ARMC2: variants seen among roughly 807,000 people sequenced by gnomAD.
ARMC2 encodes the protein armadillo repeat-containing protein 2.
ARMC2 carries 67 observed loss-of-function variants against 90.3 expected under a neutral mutation model. That is an observed-to-expected ratio of 0.74 (90% CI 0.61 to 0.91). The LOEUF is 0.91. Ranked by LOEUF, ARMC2 falls within the 40% of genes least tolerant of loss-of-function variation. ARMC2 has a pLI of 0.00. For missense variants in ARMC2, 920 were observed against 1,030.9 expected (o/e 0.89, Z 1.47); for synonymous variants, 393 against 393.0 (o/e 1.00, Z 0.00).
the ARMC2 span, among the ~76,000 whole-genome samples, chr6:109,021,382 C>T: frequency 6.6e-6 from 1 of 152,166 alleles, no homozygotes; most frequent in African/African-American, 2.4e-5. Context: ...TCATTGTTTT[C>T]CATACAACCC....
the ARMC2 span, among the ~76,000 whole-genome samples, chr6:109,003,107 C>T: frequency 6.6e-6 from 1 of 151,688 alleles, no homozygotes; most frequent in Non-Finnish European, 1.5e-5. Context: ...GTTTCCTTTC[C>T]CTCCCTCACC....
chr6:109,022,432 TTTTTTTTTGA>T, the ARMC2 span, among the ~76,000 whole-genome samples: 1 of 140,562 alleles, frequency 7.1e-6, no homozygotes, highest in Admixed American at 7.1e-5. Flanking sequence ...TTTTTTTTTT[TTTTTTTTTGA>T]GATGGAATCT....
At chr6:108,858,104 T>G (rs1774839343) in intron 2 of ARMC2, 95 bp from the exon 3 acceptor site, 1 of 936,934 alleles carries the variant, frequency 1.1e-6, no homozygotes, top group Admixed American at 2.4e-5. Context: ...CATTGCATCC[T>G]TTTACTTGTT....
chr6:109,014,157 G>A, the ARMC2 span, among the ~76,000 whole-genome samples: 1,368 of 152,178 alleles, frequency 9.0e-3, 7 homozygotes, highest in Middle Eastern at 0.024. Context: ...TTAGAAATAT[G>A]AGGCATCACC....
chr6:108,926,726 A>G (rs1465052391), intron 10 of ARMC2, among the ~76,000 whole-genome samples: 1 of 146,176 alleles, frequency 6.8e-6, no homozygotes. Flanking sequence ...CTCTGTCTCC[A>G]AAAAAAAAAA....
At chr6:109,040,326 C>T in the ARMC2 span, among the ~76,000 whole-genome samples, 1 of 149,700 alleles carries the variant, frequency 6.7e-6, no homozygotes, top group Non-Finnish European at 1.5e-5. Context: ...AAAAGTATTA[C>T]GACTGAGGAT....
intron 10 of ARMC2, among the ~76,000 whole-genome samples, chr6:108,917,469 G>T: frequency 6.6e-6 from 1 of 152,080 alleles, no homozygotes; most frequent in Admixed American, 6.6e-5. Flanking sequence ...ATAGGAAAGT[G>T]TATGGAACAA....
intron 17 of ARMC2, among the ~76,000 whole-genome samples, chr6:108,966,210 A>G (rs1452471456): frequency 6.6e-6 from 1 of 150,762 alleles, no homozygotes; most frequent in East Asian, 2.0e-4. Flanking sequence ...CAACCTGAGA[A>G]AGCTTAACAG....
intron 5 of ARMC2, among the ~76,000 whole-genome samples, chr6:108,881,319 C>CTTCCT (rs1777560389): frequency 1.7e-4 from 3 of 17,760 alleles, no homozygotes; most frequent in Non-Finnish European, 2.7e-4. Flanking sequence ...CCTTCCTTCA[C>CTTCCT]TCCTTCCTTC....
intron 1 of ARMC2, among the ~76,000 whole-genome samples, chr6:108,849,109 C>A (rs113308435): frequency 6.6e-6 from 1 of 152,086 alleles, no homozygotes; most frequent in Non-Finnish European, 1.5e-5. Flanking sequence ...AACAGGGCCT[C>A]AATAAATAAA....
intron 1 of ARMC2, among the ~76,000 whole-genome samples, chr6:108,853,847 C>T (rs1393082763): frequency 2.0e-5 from 3 of 152,212 alleles, no homozygotes; most frequent in Non-Finnish European, 4.4e-5. Context: ...TATAGTATCA[C>T]TAGTGTGGAG....
At chr6:108,867,616 A>T (rs1473170983) in intron 3 of ARMC2, among the ~76,000 whole-genome samples, 3 of 152,124 alleles carry the variant, frequency 2.0e-5, no homozygotes, top group Non-Finnish European at 2.9e-5. Context: ...AATACAAAAA[A>T]AAAAATTAGC....
chr6:109,020,823 A>G, the ARMC2 span, among the ~76,000 whole-genome samples: 1 of 152,214 alleles, frequency 6.6e-6, no homozygotes, highest in South Asian at 2.1e-4. Flanking sequence ...CCAAATTTAT[A>G]TTCTAAAGCA....
intron 12 of ARMC2, 106 bp from the exon 13 acceptor site, chr6:108,952,927 C>T (rs531216496): frequency 1.8e-6 from 2 of 1,110,554 alleles, no homozygotes; most frequent in East Asian, 2.6e-5. Context: ...CAGACGTGTT[C>T]CATTTTACTA....
intron 10 of ARMC2, among the ~76,000 whole-genome samples, chr6:108,920,547 T>C (rs1406080948): frequency 1.3e-5 from 2 of 152,164 alleles, no homozygotes; most frequent in Non-Finnish European, 2.9e-5. Context: ...AGGCAACTCA[T>C]GTTCTCCTCC....
chr6:108,928,127 G>T lies in ARMC2; in HGVS notation c.1390G>T (p.Val464Leu), dbSNP rs1775252749. Residue 464 changes from valine (V) to leucine (L), a missense_variant, in exon 11 of 18, where the codon GTA (valine) becomes TTA (leucine). Val to Leu is a conservative substitution (Grantham distance 32). Coordinates refer to ENST00000392644, the MANE Select transcript of ARMC2 (RefSeq NM_032131.6). ...GAGAAACTTGGTTGATTCATCATTA[G>T]TAAGAAGTAAGTTCCTAAACATCAG... Reference protein sequence around the residue: ...TLRNLVDSSLVRSKFLNISAL... With the variant: ...TLRNLVDSSLLRSKFLNISAL... 1.2e-6 allele frequency: 2 copies of T among 1,613,024 alleles called. No homozygotes were observed. Among genetic ancestry groups the T allele is most frequent in the Non-Finnish European group, 1.7e-6 (2 of 1,179,540 alleles).
chr6:108,880,543 TAAAC>T (rs1777422302), intron 5 of ARMC2, among the ~76,000 whole-genome samples: 1 of 152,164 alleles, frequency 6.6e-6, no homozygotes, highest in Non-Finnish European at 1.5e-5. Context: ...AAGTGGTACA[TAAAC>T]AAAAAGAGCA....
intron 2 of ARMC2, among the ~76,000 whole-genome samples, chr6:108,855,331 C>G (rs1285511059): frequency 6.6e-6 from 1 of 151,264 alleles, no homozygotes; most frequent in Non-Finnish European, 1.5e-5. Context: ...TCACTGCAAG[C>G]TCTGCCTCCC....
At chr6:108,877,254 C>T (rs1324318986) in intron 5 of ARMC2, among the ~76,000 whole-genome samples, 2 of 152,190 alleles carry the variant, frequency 1.3e-5, no homozygotes, top group African/African-American at 2.4e-5. Context: ...CTTACACTCA[C>T]GTTAGATTTC....
Sources: gnomAD v4.1 joint callset for allele counts (sites outside exome capture counted in the v4.1 genomes callset) on GRCh38, gnomAD v4.1.1 for gene constraint, MANE v1.5 for transcripts, NCBI Gene and HGNC (gene_info 2026-07-23, HGNC 2026-07-21) for gene names.